Variants in HMGB1 observed in about 807,000 individuals in gnomAD.
The protein encoded by HMGB1 is high mobility group box 1, also known as high mobility group protein B1.
For synonymous variants in HMGB1, 81 were observed against 84.0 expected (o/e 0.96, Z 0.19); for missense variants, 79 against 253.5 (o/e 0.31, Z 4.67).
intron 1 of HMGB1, among the ~76,000 whole-genome samples, chr13:30,538,595 T>TC: frequency 1.4e-5 from 2 of 141,158 alleles, no homozygotes; most frequent in African/African-American, 5.8e-5. Flanking sequence ...TTTTTCTTTC[T>TC]TCTTTTTCTT....
chr13:30,530,723 T>C (rs991567228), intron 1 of HMGB1, among the ~76,000 whole-genome samples: 10 of 152,222 alleles, frequency 6.6e-5, no homozygotes, highest in Non-Finnish European at 1.5e-4. Context: ...ACTTTTTTTA[T>C]ATGCTTCATG....
chr13:30,576,931 A>G (rs527457134), intron 1 of HMGB1, among the ~76,000 whole-genome samples: 2 of 152,150 alleles, frequency 1.3e-5, no homozygotes, highest in African/African-American at 2.4e-5. Flanking sequence ...TGTTCCCCCA[A>G]ATTCATATGT....
intron 1 of HMGB1, among the ~76,000 whole-genome samples, chr13:30,479,199 C>T: frequency 6.6e-6 from 1 of 152,178 alleles, no homozygotes; most frequent in East Asian, 1.9e-4. Flanking sequence ...AATAGCTATT[C>T]ATTCTTTCCC....
intron 1 of HMGB1, among the ~76,000 whole-genome samples, chr13:30,488,331 A>C (rs1376560465): frequency 6.6e-6 from 1 of 152,238 alleles, no homozygotes; most frequent in Non-Finnish European, 1.5e-5. Context: ...TTTATTTTCT[A>C]ATTTGGATAT....
At chr13:30,471,777 T>G (rs1886949598) in intron 1 of HMGB1, among the ~76,000 whole-genome samples, 1 of 147,506 alleles carries the variant, frequency 6.8e-6, no homozygotes. Flanking sequence ...CAAGCGATTC[T>G]CCTGCCTCAG....
chr13:30,549,019 T>C (rs1179992726), intron 1 of HMGB1, among the ~76,000 whole-genome samples: 3 of 152,146 alleles, frequency 2.0e-5, no homozygotes, highest in Admixed American at 1.3e-4. Flanking sequence ...TCAGAGACGC[T>C]GGGTGCAATG....
At chr13:30,497,445 G>GTTGTT (rs1555234833) in intron 1 of HMGB1, among the ~76,000 whole-genome samples, 3 of 147,758 alleles carry the variant, frequency 2.0e-5, no homozygotes, top group East Asian at 2.0e-4. Flanking sequence ...TGGCCAGGCT[G>GTTGTT]TTTTTTTTTT....
At position 30,463,236 on chromosome 13, in the gene HMGB1, G is replaced by A. The variant is rs1886474069; in HGVS notation, c.267C>T (p.Phe89=). 1 of 1,603,384 alleles carries A rather than the reference G, an allele frequency of 6.2e-7. No homozygotes were observed. The highest frequency in any genetic ancestry group is 8.5e-7 in the Non-Finnish European group (1 of 1,178,182). ...GCCTCTTGGGTGCATTGGGATCCTT[G>A]AACTTCTTTTTTGTCTCCCCTTTGG... ...IPPKGETKKK[F]KDPNAPKRPP... Residue 89 remains phenylalanine, a synonymous_variant, in exon 3 of 5, where the codon TTC becomes TTT. Transcript: ENST00000341423.
intron 1 of HMGB1, among the ~76,000 whole-genome samples, chr13:30,570,618 T>G (rs1387378512): frequency 6.6e-6 from 1 of 152,230 alleles, no homozygotes; most frequent in East Asian, 1.9e-4. Flanking sequence ...TGATTTTGTG[T>G]GCAGCTTTCT....
chr13:30,596,766 T>G (rs1169429575), intron 1 of HMGB1, among the ~76,000 whole-genome samples: 2 of 152,250 alleles, frequency 1.3e-5, no homozygotes, highest in South Asian at 2.1e-4. Context: ...GTGCATGATG[T>G]GCTCATTTCT....
intron 1 of HMGB1, among the ~76,000 whole-genome samples, chr13:30,527,509 G>T (rs1888395158): frequency 6.6e-6 from 1 of 152,090 alleles, no homozygotes; most frequent in Non-Finnish European, 1.5e-5. Context: ...ATGATTGCCT[G>T]TGTCTATGCC....
intron 1 of HMGB1, among the ~76,000 whole-genome samples, chr13:30,607,057 A>G (rs1950467066): frequency 6.6e-6 from 1 of 152,212 alleles, no homozygotes; most frequent in East Asian, 1.9e-4. Context: ...AAGCACTGCC[A>G]CTTGCTTACA....
At chr13:30,493,200 G>A (rs1283292076) in intron 1 of HMGB1, among the ~76,000 whole-genome samples, 1 of 151,800 alleles carries the variant, frequency 6.6e-6, no homozygotes, top group Non-Finnish European at 1.5e-5. Context: ...ATTTGTTTAT[G>A]CCATAAACAA....
intron 1 of HMGB1, among the ~76,000 whole-genome samples, chr13:30,485,443 T>C (rs1295764999): frequency 6.6e-6 from 1 of 152,230 alleles, no homozygotes; most frequent in Non-Finnish European, 1.5e-5. Flanking sequence ...CAGCTCAGCA[T>C]GCCGCAGCCA....
In HMGB1 at chr13:30,488,678, A is replaced by G. The variant is rs918899748; in HGVS notation, c.-14-24984T>C. Among the ~76,000 whole-genome samples, 34 of 143,862 alleles carry G rather than the reference A, an allele frequency of 2.4e-4. 2 individuals carry two copies. The East Asian group carries it at 6.7e-3, about 29-fold the overall frequency. The allele number at this position is 143,862 out of a possible 152,430, so 94.4% of individuals were successfully genotyped here. Reference sequence around the variant, plus strand: ...TATTATTATTATTATTATTATTATTATTATTATTATTATTATTACTTTTAG... The same window carrying G: ...TATTATTATTATTATTATTATTATTGTTATTATTATTATTATTACTTTTAG... On this transcript the variant is annotated intron_variant, in intron 1 of 4. Coordinates refer to the HMGB1 transcript ENST00000405805.
At chr13:30,588,156 C>G (rs139711715) in intron 1 of HMGB1, among the ~76,000 whole-genome samples, 1 of 152,102 alleles carries the variant, frequency 6.6e-6, no homozygotes, top group African/African-American at 2.4e-5. Flanking sequence ...AATATCTATT[C>G]TTAGAAAATA....
At chr13:30,524,702 ATAATAAT>A (rs756442071) in intron 1 of HMGB1, among the ~76,000 whole-genome samples, 78 of 148,526 alleles carry the variant, frequency 5.3e-4, no homozygotes, top group Middle Eastern at 6.8e-3. Flanking sequence ...AATAAAATAA[ATAATAAT>A]AATAATAATA....
chr13:30,568,026 G>A (rs1870266039), intron 1 of HMGB1, among the ~76,000 whole-genome samples: 1 of 152,156 alleles, frequency 6.6e-6, no homozygotes, highest in African/African-American at 2.4e-5. Context: ...CAACATACGG[G>A]CAGTGAAGCT....
At chr13:30,485,726 T>G (rs1299609415) in intron 1 of HMGB1, among the ~76,000 whole-genome samples, 1 of 152,174 alleles carries the variant, frequency 6.6e-6, no homozygotes, top group Non-Finnish European at 1.5e-5. Flanking sequence ...CTAGAAATAG[T>G]GGAATTCCTT....
Sources: gnomAD v4.1 joint callset for allele counts (sites outside exome capture counted in the v4.1 genomes callset) on GRCh38, gnomAD v4.1.1 for gene constraint, MANE v1.5 for transcripts, NCBI Gene and HGNC (gene_info 2026-07-23, HGNC 2026-07-21) for gene names.